WDFY1: variants seen among roughly 807,000 people sequenced by gnomAD.
WDFY1 encodes WD repeat and FYVE domain-containing protein 1.
WDFY1 carries 32 observed loss-of-function variants against 56.4 expected under a neutral mutation model. That is an observed-to-expected ratio of 0.57 (90% CI 0.43 to 0.76). The LOEUF (loss-of-function observed/expected upper bound fraction) is 0.76. Ranked by LOEUF, WDFY1 falls within the 30% of genes least tolerant of loss-of-function variation. The probability of loss-of-function intolerance (pLI) is 0.00; values close to 1 mark genes in which losing one functional copy is unlikely to be tolerated. For missense variants in WDFY1, 480 were observed against 545.7 expected, an observed-to-expected ratio of 0.88 and a Z score of 1.20; for synonymous variants, 192 against 197.3, an observed-to-expected ratio of 0.97 and a Z score of 0.23.
rs1051611077 is a variant in WDFY1 at position 223,876,937 on chromosome 2, C to T, written c.*1734G>A. 1 of 152,180 alleles carries T rather than the reference C, an allele frequency of 6.6e-6. No homozygotes were observed. Among genetic ancestry groups the T allele is most frequent in the Non-Finnish European group, 1.5e-5 (1 of 68,034 alleles). 9.4% of individuals were successfully genotyped at this position (152,180 alleles called of 1,614,324 possible). ...CAACATTGTGCTTGAACAAAACTTACCACTACTCAATTTTTCTTCCAAACT... is the reference window on the plus strand; with the variant it reads ...CAACATTGTGCTTGAACAAAACTTATCACTACTCAATTTTTCTTCCAAACT... On this transcript the variant is annotated 3_prime_UTR_variant, in exon 12 of 12. Coordinates refer to ENST00000233055, the MANE Select transcript of WDFY1 (RefSeq NM_020830.5).
chr2:223,931,047 C>CT (rs1418342009), intron 1 of WDFY1, among the ~76,000 whole-genome samples: 1 of 152,204 alleles, frequency 6.6e-6, no homozygotes, highest in Non-Finnish European at 1.5e-5. Flanking sequence ...TGACACCATG[C>CT]TTTCTGTTCC....
At chr2:223,888,164 C>T (rs1324415304) in intron 8 of WDFY1, among the ~76,000 whole-genome samples, 2 of 152,140 alleles carry the variant, frequency 1.3e-5, no homozygotes, top group African/African-American at 4.8e-5. Context: ...TCACTGCAGC[C>T]TCAACCTCTG....
chr2:223,942,128 C>A (rs1689314498), intron 1 of WDFY1, among the ~76,000 whole-genome samples: 1 of 152,202 alleles, frequency 6.6e-6, no homozygotes, highest in South Asian at 2.1e-4. Flanking sequence ...AAACATTTAT[C>A]AGCACTGCTC....
rs774471635 is a variant in WDFY1, at chr2:223,878,717, G to A, written c.1187C>T (p.Thr396Ile). The A allele has an allele frequency of 6.2e-7, 1 of 1,612,936 alleles. No homozygotes were observed. Among genetic ancestry groups the A allele is most frequent in the South Asian group, 1.1e-5 (1 of 91,068 alleles). ...TDRIVKIWDM[T>I]PVVGCSLATG... ...CGCCAGACTGCAGCCCACCACAGGT[G>A]TCATGTCCCAGATCTACAAGGAAGG... Residue 396 changes from threonine to isoleucine, a missense_variant, in exon 12 of 12, where the codon ACA becomes ATA. Physicochemically the swap from Thr to Ile is moderately conservative, Grantham distance 89 (BLOSUM62 -1). Coordinates refer to ENST00000233055, the MANE Select transcript of WDFY1 (RefSeq NM_020830.5).
chr2:223,898,919 G>C, intron 6 of WDFY1, 39 bp downstream of exon 6: 1 of 1,549,174 alleles, frequency 6.5e-7, no homozygotes, highest in South Asian at 1.1e-5. Context: ...GGATGTCCAA[G>C]TTAGGCAAAA....
chr2:223,918,116 G>T, intron 1 of WDFY1, 106 bp from the exon 2 acceptor site: 1 of 1,204,062 alleles, frequency 8.3e-7, no homozygotes, highest in South Asian at 1.4e-5. Flanking sequence ...TTTCCTAACT[G>T]ACCTTATAAA....
chr2:223,938,008 G>A (rs1343753960), intron 1 of WDFY1, among the ~76,000 whole-genome samples: 1 of 152,074 alleles, frequency 6.6e-6, no homozygotes, highest in Non-Finnish European at 1.5e-5. Flanking sequence ...ATATCTAAGT[G>A]GAAGCAAATA....
chr2:223,916,815 C>CTT (rs201460170), intron 2 of WDFY1, among the ~76,000 whole-genome samples: 56 of 138,588 alleles, frequency 4.0e-4, no homozygotes, highest in African/African-American at 1.3e-3. Flanking sequence ...CCCAGGGCTG[C>CTT]TTTTTTTTTT....
chr2:223,882,804 T>C (rs947931100), intron 9 of WDFY1, among the ~76,000 whole-genome samples: 1 of 152,230 alleles, frequency 6.6e-6, no homozygotes, highest in African/African-American at 2.4e-5. Context: ...TACAGCTCAC[T>C]GCGGCCTTGA....
intron 2 of WDFY1, among the ~76,000 whole-genome samples, chr2:223,916,146 C>A (rs1345511797): frequency 6.6e-6 from 1 of 152,138 alleles, no homozygotes; most frequent in East Asian, 1.9e-4. Flanking sequence ...TGAATGACTA[C>A]CAAGACAAAG....
intron 1 of WDFY1, among the ~76,000 whole-genome samples, chr2:223,927,735 G>C (rs1333403154): frequency 1.3e-5 from 2 of 152,160 alleles, no homozygotes. Context: ...GGTGCAAAAG[G>C]CCTAGCTTTC....
chr2:223,941,535 C>T (rs1689306037), intron 1 of WDFY1, among the ~76,000 whole-genome samples: 1 of 152,170 alleles, frequency 6.6e-6, no homozygotes, highest in Admixed American at 6.5e-5. Flanking sequence ...CAAACCCCGG[C>T]CCCAGCCCAA....
At chr2:223,916,993 T>A (rs1176634952) in intron 2 of WDFY1, among the ~76,000 whole-genome samples, 2 of 152,048 alleles carry the variant, frequency 1.3e-5, no homozygotes, top group African/African-American at 4.8e-5. Context: ...TTTGTATTTT[T>A]AGTAGAGATG....
intron 8 of WDFY1, among the ~76,000 whole-genome samples, chr2:223,890,629 G>A (rs1693253807): frequency 6.6e-6 from 1 of 152,138 alleles, no homozygotes; most frequent in African/African-American, 2.4e-5. Flanking sequence ...AAGAGCAAGA[G>A]AGAGTATTAA....
chr2:223,912,786 T>C (rs931725655), intron 2 of WDFY1, among the ~76,000 whole-genome samples: 6 of 152,214 alleles, frequency 3.9e-5, no homozygotes, highest in African/African-American at 1.4e-4. Flanking sequence ...TGCAGATATA[T>C]GGCATATGTG....
intron 10 of WDFY1, 25 bp downstream of exon 10, chr2:223,881,917 G>A (rs1381692754): frequency 1.2e-6 from 2 of 1,611,684 alleles, no homozygotes; most frequent in Middle Eastern, 1.7e-4. Flanking sequence ...AAGAGGCAAT[G>A]AGACAAAAAT....
intron 8 of WDFY1, 112 bp from the exon 9 acceptor site, chr2:223,884,861 T>TATTC: frequency 2.6e-6 from 2 of 780,632 alleles, no homozygotes; most frequent in Non-Finnish European, 3.9e-6. Flanking sequence ...CTTTTCTTCT[T>TATTC]TTTTTTTTTT....
intron 1 of WDFY1, among the ~76,000 whole-genome samples, chr2:223,934,943 T>C (rs1694144114): frequency 6.6e-6 from 1 of 152,036 alleles, no homozygotes; most frequent in Admixed American, 6.6e-5. Context: ...GGTGGTATAG[T>C]GGGTTGGGGG....
At chr2:223,932,071 T>A (rs1694085848) in intron 1 of WDFY1, among the ~76,000 whole-genome samples, 1 of 151,988 alleles carries the variant, frequency 6.6e-6, no homozygotes, top group Non-Finnish European at 1.5e-5. Context: ...GGGTATACAT[T>A]TGGGTTCAAT....
Sources: gnomAD v4.1 joint callset for allele counts (sites outside exome capture counted in the v4.1 genomes callset) on GRCh38, gnomAD v4.1.1 for gene constraint, MANE v1.5 for transcripts, NCBI Gene and HGNC (gene_info 2026-07-23, HGNC 2026-07-21) for gene names.